The following ACACA variants were observed in gnomAD, a reference collection of about 807,000 sequenced individuals.
ACACA encodes acetyl-CoA carboxylase 1.
In ACACA, 103 loss-of-function variants were observed where a neutral mutation model predicts 296.1. The ratio of observed to expected loss-of-function variants is 0.35; its 90% CI spans 0.30 to 0.41. The LOEUF (loss-of-function observed/expected upper bound fraction) is 0.41. ACACA is among the 10% of genes least tolerant of loss of function. The pLI, the probability that ACACA is intolerant of heterozygous loss-of-function variation, is 1.00. For missense variants in ACACA, 1,554 were observed against 2,989.7 expected (o/e 0.52, Z 11.20); for synonymous variants, 953 against 1,038.6 (o/e 0.92, Z 1.58).
At chr17:37,247,820 G>A (rs1567878279) in intron 18 of ACACA, 191 bp downstream of exon 18, 1 of 644,052 alleles carries the variant, frequency 1.6e-6, no homozygotes, top group Non-Finnish European at 2.7e-6. Flanking sequence ...CACTGGAGTG[G>A]TAGGGAGACA....
rs548005495 is a variant in ACACA at position 37,216,548 on chromosome 17, G to GT, written c.3683+5175dup. On this transcript the variant is annotated intron_variant, in intron 29 of 55. Transcript: ENST00000616317. ...TCTGCTTTTTAAAAAAATTATTGGA[G>GT]TTTTTTTTTCTAAAAATAGTCGAAT... Among the ~76,000 whole-genome samples the GT allele has an allele frequency of 3.2e-4, 49 of 150,870 alleles. 1 individual carries two copies. The highest frequency in any genetic ancestry group is 1.6e-3 in the East Asian group (8 of 5,156).
At chr17:37,214,918 C>G (rs1172013538) in intron 29 of ACACA, among the ~76,000 whole-genome samples, 1 of 152,212 alleles carries the variant, frequency 6.6e-6, no homozygotes, top group Non-Finnish European at 1.5e-5. Flanking sequence ...AAAGAAAGGT[C>G]TAATCTCTGG....
Position 37,323,007 on chromosome 17 carries a change from C to T in ACACA, c.338+7166G>A, listed in dbSNP as rs188622047. ...GAAAGCTGTCACACTGGCCCTCTGC[C>T]CTTGCAATAAGGCAGATGGTCTATT... On this transcript the variant is annotated intron_variant, in intron 3 of 55. Coordinates refer to ENST00000616317, the MANE Select transcript of ACACA (RefSeq NM_198834.3). 6.6e-5 allele frequency among the ~76,000 whole-genome samples: 10 copies of T among 152,392 alleles called. No homozygotes were observed. The East Asian group carries it at 1.9e-3, about 29-fold the overall frequency.
At chr17:37,128,239 A>G (rs1322060846) in intron 47 of ACACA, among the ~76,000 whole-genome samples, 2 of 152,142 alleles carry the variant, frequency 1.3e-5, no homozygotes, top group African/African-American at 4.8e-5. Flanking sequence ...ACAATGTAAT[A>G]GCTATATAAT....
Position 37,330,178 on chromosome 17 carries a change from G to A in ACACA, c.333C>T (p.His111=). The A allele has an allele frequency of 6.2e-7, 1 of 1,614,112 alleles. No individual in the cohort carries two copies. The highest frequency in any genetic ancestry group is 8.5e-7 in the Non-Finnish European group (1 of 1,180,030). The change falls in exon 3 of 56, where the codon CAC becomes CAT. Residue 111 remains histidine (H), a synonymous_variant. Transcript: ENST00000616317. ...ACCATTGAACTCTCTCTTACCTTAT[G>A]TGCAAGGCCAAGCCATCCTGTAGGC... ...ISSLQDGLAL[H]IRSSMSGLHL...
At chr17:37,345,354 G>GAGGA (rs1177514968) in intron 1 of ACACA, 1 of 152,150 alleles carries the variant, frequency 6.6e-6, no homozygotes, top group Non-Finnish European at 1.5e-5. Context: ...GCCCAGCCTA[G>GAGGA]AGGATCCTTC....
At chr17:37,255,864 A>G (rs188438961) in intron 14 of ACACA, among the ~76,000 whole-genome samples, 249 of 152,172 alleles carry the variant, frequency 1.6e-3, no homozygotes, top group African/African-American at 5.8e-3. Context: ...CTCCTGCCTC[A>G]GCTTCCCGAG....
At chr17:37,271,414 C>T (rs1262579501) in intron 9 of ACACA, among the ~76,000 whole-genome samples, 2 of 152,092 alleles carry the variant, frequency 1.3e-5, no homozygotes, top group Admixed American at 1.3e-4. Flanking sequence ...ACTTGGGAGG[C>T]TGAGGCAGGA....
chr17:37,382,439 T>C lies in ACACA; in HGVS notation c.38+23823A>G, dbSNP rs117106491. On this transcript the variant is annotated intron_variant, in intron 1 of 55. Transcript: ENST00000616317. ...TGCTATTGCTACATTACTGGAAAAATAAAATAAAACTTGACATTTTTAGAG... is the reference window on the plus strand; with the variant it reads ...TGCTATTGCTACATTACTGGAAAAACAAAATAAAACTTGACATTTTTAGAG... Among the ~76,000 whole-genome samples, 811 of 151,030 alleles carry C rather than the reference T, an allele frequency of 5.4e-3. 8 individuals carry two copies. Among genetic ancestry groups the C allele is most frequent in the Non-Finnish European group, 7.4e-3 (504 of 67,844 alleles).
intron 1 of ACACA, among the ~76,000 whole-genome samples, chr17:37,400,186 C>T (rs1332970698): frequency 6.6e-6 from 1 of 152,146 alleles, no homozygotes; most frequent in African/African-American, 2.4e-5. Context: ...GTGATGCAAT[C>T]TTGGCTCACT....
chr17:37,269,221 G>A (rs1198831465), intron 10 of ACACA, among the ~76,000 whole-genome samples: 4 of 151,952 alleles, frequency 2.6e-5, no homozygotes, highest in African/African-American at 7.3e-5. Context: ...CAATGCTCCC[G>A]CTTTAGACTC....
chr17:37,368,381 G>A (rs2147660424), intron 1 of ACACA, among the ~76,000 whole-genome samples: 1 of 152,302 alleles, frequency 6.6e-6, no homozygotes, highest in African/African-American at 2.4e-5. Flanking sequence ...AGGAGTTCAA[G>A]ACCAGCCTGG....
chr17:37,213,348 CAAAAAA>C (rs11353673), intron 29 of ACACA, among the ~76,000 whole-genome samples: 2 of 78,616 alleles, frequency 2.5e-5, no homozygotes, highest in East Asian at 3.1e-4. Context: ...AAGTAAGTCT[CAAAAAA>C]AAAAAAAAAA....
intron 29 of ACACA, chr17:37,221,377 T>C (rs370729062): frequency 3.5e-5 from 12 of 338,352 alleles, no homozygotes; most frequent in Non-Finnish European, 6.2e-5. Context: ...TTTGGTCTAA[T>C]TGCTGATTTA....
intron 45 of ACACA, among the ~76,000 whole-genome samples, chr17:37,137,157 C>T (rs1214266886): frequency 2.0e-5 from 3 of 152,026 alleles, no homozygotes; most frequent in Non-Finnish European, 4.4e-5. Context: ...TTTGAGAATT[C>T]TTTTGGATAC....
intron 41 of ACACA, among the ~76,000 whole-genome samples, chr17:37,173,982 T>TTATTTATATATTTTTATATATA (rs1555573869): frequency 5.1e-5 from 1 of 19,450 alleles, no homozygotes; most frequent in African/African-American, 1.7e-4. Flanking sequence ...CCTGGCTAAT[T>TTATTTATATATTTTTATATATA]TATATATATA....
intron 2 of ACACA, among the ~76,000 whole-genome samples, chr17:37,333,818 G>A (rs1346817055): frequency 6.7e-6 from 1 of 149,676 alleles, no homozygotes; most frequent in African/African-American, 2.5e-5. Flanking sequence ...CTGGCAACTA[G>A]ATTTTACCCA....
intron 1 of ACACA, among the ~76,000 whole-genome samples, chr17:37,352,559 GAA>G (rs938776663): frequency 6.9e-6 from 1 of 144,974 alleles, no homozygotes; most frequent in East Asian, 2.0e-4. Context: ...CCAAAATTAA[GAA>G]AAAAAAAAAT....
chr17:37,247,612 C>A (rs2080778286), intron 18 of ACACA, among the ~76,000 whole-genome samples: 1 of 152,208 alleles, frequency 6.6e-6, no homozygotes, highest in South Asian at 2.1e-4. Flanking sequence ...GGTGATCCAC[C>A]TGCCTCGGCC....
Sources: gnomAD v4.1 joint callset for allele counts (sites outside exome capture counted in the v4.1 genomes callset) on GRCh38, gnomAD v4.1.1 for gene constraint, MANE v1.5 for transcripts, NCBI Gene and HGNC (gene_info 2026-07-23, HGNC 2026-07-21) for gene names.